HSPA9: variants seen among roughly 807,000 people sequenced by gnomAD.
HSPA9 encodes stress-70 protein, mitochondrial.
A neutral mutation model predicts 81.5 loss-of-function variants in HSPA9; 28 were observed. That is an observed-to-expected ratio of 0.34 (90% CI 0.25 to 0.47). The LOEUF (loss-of-function observed/expected upper bound fraction) is 0.47, where lower values mean the gene tolerates loss of function less well. Ranked by LOEUF, HSPA9 falls within the 20% of genes least tolerant of loss-of-function variation. The probability of loss-of-function intolerance (pLI) is 1.00; values close to 1 mark genes in which losing one functional copy is unlikely to be tolerated. For missense variants in HSPA9, 678 were observed against 838.0 expected, an observed-to-expected ratio of 0.81 and a Z score of 2.36; for synonymous variants, 293 against 290.4, an observed-to-expected ratio of 1.01 and a Z score of -0.09.
rs1354394969 is a variant in HSPA9 at position 138,556,461 on chromosome 5, T to C, written c.1953A>G (p.Ala651=). 6.2e-7 allele frequency: 1 copy of C among 1,613,804 alleles called. No individual in the cohort carries two copies. Among genetic ancestry groups the C allele is most frequent in the Non-Finnish European group, 8.5e-7 (1 of 1,180,026 alleles). ...ACTTCAGCCCTTGTACCTTTTTGTA[T>C]GCCATTTCGAACAGCTTCAGTGATG... ...QQASLKLFEM[A]YKKMASEREG... Residue 651 remains alanine (A), a synonymous_variant, in exon 16 of 17, where the codon GCA becomes GCG. Coordinates refer to ENST00000297185, the MANE Select transcript of HSPA9 (RefSeq NM_004134.7).
chr5:138,565,926 C>A (rs1190664109), intron 9 of HSPA9, among the ~76,000 whole-genome samples: 1 of 152,162 alleles, frequency 6.6e-6, no homozygotes, highest in Non-Finnish European at 1.5e-5. Context: ...TGGCTCACGC[C>A]CATTATCCCA....
rs1218345030 is a variant in HSPA9, at chr5:138,560,738, CAG to C, written c.1183-649_1183-648del. Reference sequence around the variant, plus strand: ...AAATTTTTTATATTTTTAGTAGAGACAGGGTTTCACCGTGTTAGCCAGGATGG... The same window carrying C: ...AAATTTTTTATATTTTTAGTAGAGACGGTTTCACCGTGTTAGCCAGGATGG... On this transcript the variant is annotated intron_variant, in intron 10 of 16. Transcript: ENST00000297185. 2.8e-5 allele frequency: 8 copies of C among 283,336 alleles called. No homozygotes were observed. In the East Asian group the frequency reaches 7.7e-4, roughly 27 times the overall value. The allele number at this position is 283,336 out of a possible 1,614,324, so 17.6% of individuals were successfully genotyped here. A position where few individuals can be genotyped will look rare whatever the true frequency, so the allele number is the denominator to read the frequency against.
At chr5:138,572,520 G>A (rs1410661411) in intron 3 of HSPA9, among the ~76,000 whole-genome samples, 1 of 152,128 alleles carries the variant, frequency 6.6e-6, no homozygotes, top group African/African-American at 2.4e-5. Flanking sequence ...GTTCATTGGA[G>A]CAGGCTATTT....
Position 138,555,777 on chromosome 5 carries a change from A to G in HSPA9, c.*260T>C, listed in dbSNP as rs886414065. The G allele has an allele frequency of 5.7e-5, 30 of 527,186 alleles. No individual in the cohort carries two copies. The highest frequency in any genetic ancestry group is 5.5e-4 in the African/African-American group (29 of 52,286). The allele number at this position is 527,186 out of a possible 1,614,324, so 32.7% of individuals were successfully genotyped here. On this transcript the variant is annotated 3_prime_UTR_variant, in exon 17 of 17. Coordinates refer to ENST00000297185, the MANE Select transcript of HSPA9 (RefSeq NM_004134.7). ...AATAGTTAAATCTTTATAATGATCA[A>G]TTCATCCTACCTCCTTTTACATGCA... is the stretch of plus-strand genomic sequence containing the variant.
At chr5:138,573,722 G>A (rs1328035806) in intron 3 of HSPA9, 41 bp downstream of exon 3, 12 of 1,162,122 alleles carry the variant, frequency 1.0e-5, no homozygotes, top group Non-Finnish European at 1.5e-5. Context: ...CAGAATTCTG[G>A]ACAGATTCTG....
chr5:138,571,075 G>T lies in HSPA9; in HGVS notation c.295C>A (p.Arg99=). ...CGCTTGGCCGGCATTCCAACAAGTC[G>T]CTCACCATCTGCTGTAAAGGCCACA... The part of the protein sequence containing the change: ...SVVAFTADGE[R]LVGMPAKRQA... Residue 99 remains arginine (R), a synonymous_variant, in exon 4 of 17, where the codon CGA becomes AGA. Coordinates refer to ENST00000297185, the MANE Select transcript of HSPA9 (RefSeq NM_004134.7). 11 of 1,614,098 alleles carry T rather than the reference G, an allele frequency of 6.8e-6. No homozygotes were observed. The highest frequency in any genetic ancestry group is 9.3e-6 in the Non-Finnish European group (11 of 1,180,034).
Position 138,559,912 on chromosome 5 carries a change from A to G in HSPA9, c.1362T>C (p.Phe454=). 6.2e-7 allele frequency: 1 copy of G among 1,614,042 alleles called. No individual in the cohort carries two copies. Among genetic ancestry groups the G allele is most frequent in the Non-Finnish European group, 8.5e-7 (1 of 1,179,956 alleles). Residue 454 remains phenylalanine (F), a synonymous_variant, in exon 11 of 17, where the codon TTT becomes TTC. Coordinates refer to ENST00000297185, the MANE Select transcript of HSPA9 (RefSeq NM_004134.7). ...TGGTATTCCTATTAATAAGTTTGGT[A>G]AAGACACCTCCTAGAGTTTCAATAC... ...SLGIETLGGV[F]TKLINRNTTI...
intron 12 of HSPA9, 120 bp downstream of exon 12, chr5:138,558,433 C>G (rs929953885): frequency 7.9e-6 from 6 of 758,950 alleles, no homozygotes; most frequent in African/African-American, 1.7e-5. Context: ...ATCCCTTCTT[C>G]TCAAGACTAC....
At chr5:138,567,305 A>C in intron 7 of HSPA9, 142 bp from the exon 8 acceptor site, 1 of 956,328 alleles carries the variant, frequency 1.0e-6, no homozygotes, top group Non-Finnish European at 1.6e-6. Context: ...CATGGCCCAA[A>C]AGAAAAGAAA....
intron 13 of HSPA9, 151 bp downstream of exon 13, chr5:138,557,718 A>G: frequency 1.3e-6 from 1 of 754,108 alleles, no homozygotes; most frequent in Non-Finnish European, 2.4e-6. Context: ...AGCAATCCAC[A>G]GGCTCAGTGC....
chr5:138,564,286 TAG>T (rs1561859107), intron 9 of HSPA9, among the ~76,000 whole-genome samples: 1 of 152,134 alleles, frequency 6.6e-6, no homozygotes, highest in Non-Finnish European at 1.5e-5. Flanking sequence ...GTATTTTTAG[TAG>T]AGACACGGTT....
chr5:138,557,418 T>G lies in HSPA9; in HGVS notation c.1712A>C (p.Glu571Ala). ...MVKNAEKYAE[E>A]DRRKKERVEA... ...AGTAATCACCTTCTTTCGCCGGTCTTCTTCAGCATATTTCTCTGCATTTTT... is the reference window on the plus strand; with the variant it reads ...AGTAATCACCTTCTTTCGCCGGTCTGCTTCAGCATATTTCTCTGCATTTTT... The change falls in exon 14 of 17, where the codon GAA (glutamate) becomes GCA (alanine). Residue 571 changes from glutamate (E) to alanine (A), a missense_variant. Transcript: ENST00000297185. 2 of 1,607,928 alleles carry G rather than the reference T, an allele frequency of 1.2e-6. No individual in the cohort carries two copies. Among genetic ancestry groups the G allele is most frequent in the Non-Finnish European group, 1.7e-6 (2 of 1,174,870 alleles).
intron 11 of HSPA9, among the ~76,000 whole-genome samples, chr5:138,559,370 T>C (rs1202362928): frequency 2.0e-5 from 3 of 152,174 alleles, no homozygotes; most frequent in Non-Finnish European, 4.4e-5. Flanking sequence ...CCCAAAGTGC[T>C]GGGATTACAG....
chr5:138,567,485 G>C lies in HSPA9; in HGVS notation c.686C>G (p.Ala229Gly), dbSNP rs1453206421. The change falls in exon 7 of 17, where the codon GCC becomes GGC. Residue 229 changes from alanine (A) to glycine (G), a missense_variant. Around this residue, in one of 4 missense-constraint regions of HSPA9, gnomAD observed 484 missense variants for 647.5 expected, o/e 0.75. Coordinates refer to ENST00000297185, the MANE Select transcript of HSPA9 (RefSeq NM_004134.7). ...VINEPTAAAL[A>G]YGLDKSEDKV... is the part of the protein sequence containing the mutation. ...GTCTTCTGATTTGTCTAGACCATAGGCAAGAGCAGCAGCTGTGGGCTCATT... is the reference window on the plus strand; with the variant it reads ...GTCTTCTGATTTGTCTAGACCATAGCCAAGAGCAGCAGCTGTGGGCTCATT... The C allele has an allele frequency of 2.5e-6, 4 of 1,613,766 alleles. No individual in the cohort carries two copies. Among genetic ancestry groups the C allele is most frequent in the Admixed American group, 3.3e-5 (2 of 60,006 alleles).
intron 3 of HSPA9, among the ~76,000 whole-genome samples, chr5:138,573,177 G>A (rs995702397): frequency 1.3e-5 from 2 of 152,162 alleles, no homozygotes; most frequent in African/African-American, 4.8e-5. Context: ...TCAGGTGTGA[G>A]CCACTGTACC....
chr5:138,572,403 T>C (rs1750925476), intron 3 of HSPA9, among the ~76,000 whole-genome samples: 1 of 152,196 alleles, frequency 6.6e-6, no homozygotes, highest in African/African-American at 2.4e-5. Context: ...TTGCACTGTT[T>C]GGTTACTCTG....
intron 10 of HSPA9, among the ~76,000 whole-genome samples, chr5:138,560,306 A>G (rs1336226828): frequency 6.6e-6 from 1 of 152,126 alleles, no homozygotes; most frequent in Non-Finnish European, 1.5e-5. Flanking sequence ...CTCCTTCATG[A>G]CCCTTGTAAA....
At position 138,562,181 on chromosome 5, in the gene HSPA9, C is replaced by T. The variant is rs570402736; in HGVS notation, c.973-392G>A. Among the ~76,000 whole-genome samples the T allele has an allele frequency of 9.5e-4, 143 of 151,176 alleles. 2 individuals carry two copies. In the Middle Eastern group the frequency reaches 0.01, roughly 11 times the overall value. On this transcript the variant is annotated intron_variant, in intron 9 of 16. Coordinates refer to ENST00000297185, the MANE Select transcript of HSPA9 (RefSeq NM_004134.7). Reference sequence around the variant, plus strand: ...CTCGATCTCTTGACCTCGTGATCCGCCTGCCTCAGCCTCCCAAAGTGCTGG... The same window carrying T: ...CTCGATCTCTTGACCTCGTGATCCGTCTGCCTCAGCCTCCCAAAGTGCTGG...
rs981186460 is a variant in HSPA9, at chr5:138,554,693, CTT to C, written c.*1342_*1343del. ...TCTAAGCCCATCTTGATAACAGACT[CTT>C]TTGAACATGGCATATGACATTCATC... On this transcript the variant is annotated 3_prime_UTR_variant, in exon 17 of 17. Coordinates refer to ENST00000297185, the MANE Select transcript of HSPA9 (RefSeq NM_004134.7). 1.3e-5 allele frequency among the ~76,000 whole-genome samples: 2 copies of C among 152,172 alleles called. No homozygotes were observed. Among genetic ancestry groups the C allele is most frequent in the Admixed American group, 6.5e-5 (1 of 15,272 alleles).
Sources: allele counts gnomAD v4.1 joint callset (sites outside exome capture counted in the v4.1 genomes callset), GRCh38; gene constraint gnomAD v4.1.1; regional missense constraint gnomAD v4.1.1; transcripts MANE v1.5; gene names NCBI Gene and HGNC (gene_info 2026-07-23, HGNC 2026-07-21).